Variants in ZNF638 observed in about 807,000 individuals in gnomAD.
The protein encoded by ZNF638 is zinc finger protein 638.
Under a neutral mutation model 195.6 loss-of-function variants are expected in ZNF638, and 46 were observed. The observed-to-expected ratio is 0.24, with a 90% CI of 0.19 to 0.30. The LOEUF (loss-of-function observed/expected upper bound fraction) is 0.30. Among genes scored for constraint, ZNF638 ranks in the 10% least tolerant of loss-of-function variants. The pLI, the probability that ZNF638 is intolerant of heterozygous loss-of-function variation, is 1.00. For missense variants in ZNF638, 2,440 were observed against 2,325.3 expected (o/e 1.05, Z -1.01); for synonymous variants, 845 against 772.0 (o/e 1.09, Z -1.57).
At chr2:71,392,183 A>G (rs1249361887) in intron 10 of ZNF638, among the ~76,000 whole-genome samples, 1 of 152,226 alleles carries the variant, frequency 6.6e-6, no homozygotes, top group Non-Finnish European at 1.5e-5. Flanking sequence ...TTGATTATGC[A>G]GGCCATATAA....
chr2:71,368,206 C>T (rs956338728), intron 6 of ZNF638, among the ~76,000 whole-genome samples, 176 bp from the exon 7 acceptor site: 6 of 151,682 alleles, frequency 4.0e-5, no homozygotes, highest in Non-Finnish European at 7.4e-5. Context: ...GTGTTAAAAT[C>T]GTGATTTAAA....
chr2:71,419,631 A>G (rs2080381874), intron 21 of ZNF638, among the ~76,000 whole-genome samples: 1 of 152,202 alleles, frequency 6.6e-6, no homozygotes, highest in Admixed American at 6.5e-5. Context: ...AGGTGCATTC[A>G]CATACCTAAG....
intron 26 of ZNF638, among the ~76,000 whole-genome samples, chr2:71,431,789 T>A (rs1265518976): frequency 6.6e-6 from 1 of 151,628 alleles, no homozygotes; most frequent in East Asian, 1.9e-4. Context: ...AACACCATAA[T>A]AAGTATTCTA....
At chr2:71,429,622 T>TTTA (rs2080615025) in intron 25 of ZNF638, among the ~76,000 whole-genome samples, 1 of 152,174 alleles carries the variant, frequency 6.6e-6, no homozygotes, top group Admixed American at 6.5e-5. Context: ...TCTACTTGCT[T>TTTA]TTAGAGCAAA....
intron 3 of ZNF638, among the ~76,000 whole-genome samples, chr2:71,361,042 A>G (rs1278273435): frequency 6.6e-6 from 1 of 152,080 alleles, no homozygotes; most frequent in Non-Finnish European, 1.5e-5. Context: ...GCTCACTGCA[A>G]CCTCCACCTC....
At chr2:71,396,380 A>G (rs1234251486) in intron 11 of ZNF638, among the ~76,000 whole-genome samples, 189 bp downstream of exon 11, 1 of 152,214 alleles carries the variant, frequency 6.6e-6, no homozygotes, top group Admixed American at 6.5e-5. Flanking sequence ...TATAGTAATT[A>G]TTGAAATAAT....
At chr2:71,433,094 T>C (rs563406865) in intron 26 of ZNF638, 71 bp from the exon 27 acceptor site, 1 of 1,220,048 alleles carries the variant, frequency 8.2e-7, no homozygotes, top group Admixed American at 1.8e-5. Context: ...CTCAAATAAA[T>C]GAATAAATCG....
At chr2:71,427,534 C>G in intron 24 of ZNF638, 120 bp downstream of exon 24, 1 of 667,550 alleles carries the variant, frequency 1.5e-6, no homozygotes, top group South Asian at 3.5e-5. Flanking sequence ...TAGAGGCCAA[C>G]AGACAGTTAA....
chr2:71,343,850 G>T (rs1397796307), intron 1 of ZNF638, among the ~76,000 whole-genome samples: 1 of 151,810 alleles, frequency 6.6e-6, no homozygotes, highest in East Asian at 1.9e-4. Flanking sequence ...ACAGCTTGCC[G>T]CCAGGCGCGG....
chr2:71,352,919 G>A (rs933378573), intron 2 of ZNF638, among the ~76,000 whole-genome samples: 1 of 152,116 alleles, frequency 6.6e-6, no homozygotes, highest in Non-Finnish European at 1.5e-5. Context: ...TAGATAGATT[G>A]CCATTAAAAA....
intron 1 of ZNF638, among the ~76,000 whole-genome samples, chr2:71,338,560 A>G (rs1426481068): frequency 6.6e-6 from 1 of 152,210 alleles, no homozygotes; most frequent in African/African-American, 2.4e-5. Flanking sequence ...CATCCATACC[A>G]CTACAAAAAA....
At chr2:71,393,686 T>A in intron 10 of ZNF638, 1 of 709,920 alleles carries the variant, frequency 1.4e-6, no homozygotes, top group Non-Finnish European at 2.6e-6. Flanking sequence ...ATGCTCTCGC[T>A]TCCCCTGCAA....
intron 16 of ZNF638, among the ~76,000 whole-genome samples, chr2:71,403,508 CA>C (rs2080046705): frequency 6.6e-6 from 1 of 152,190 alleles, no homozygotes; most frequent in Admixed American, 6.5e-5. Context: ...TTTATTTACT[CA>C]AGAAATACTA....
intron 16 of ZNF638, among the ~76,000 whole-genome samples, chr2:71,403,121 T>TTA (rs1181487760): frequency 6.6e-6 from 1 of 152,122 alleles, no homozygotes; most frequent in African/African-American, 2.4e-5. Context: ...TGAAAATACT[T>TTA]TAAACATTTA....
intron 21 of ZNF638, among the ~76,000 whole-genome samples, chr2:71,420,638 A>G (rs762961625): frequency 6.6e-6 from 1 of 152,172 alleles, no homozygotes; most frequent in Non-Finnish European, 1.5e-5. Flanking sequence ...GGCAAATGAG[A>G]TATCTGTATC....
At chr2:71,428,831 A>G in intron 25 of ZNF638, 180 bp downstream of exon 25, 1 of 464,824 alleles carries the variant, frequency 2.2e-6, no homozygotes, top group Non-Finnish European at 3.9e-6. Context: ...GAGAGAATGG[A>G]TTATTGATAT....
chr2:71,426,168 A>G (rs566625099), intron 23 of ZNF638, among the ~76,000 whole-genome samples: 3 of 152,282 alleles, frequency 2.0e-5, no homozygotes, highest in East Asian at 1.9e-4. Context: ...ATGTATTTTT[A>G]TGTGTCATAC....
At chr2:71,356,366 T>C (rs1300367516) in intron 3 of ZNF638, among the ~76,000 whole-genome samples, 2 of 152,234 alleles carry the variant, frequency 1.3e-5, no homozygotes, top group Non-Finnish European at 2.9e-5. Context: ...CCTGTATCTC[T>C]TGGAGTAACA....
Position 71,405,582 on chromosome 2 carries a change from A to T in ZNF638, c.2959-19A>T. 6.6e-7 allele frequency: 1 copy of T among 1,508,598 alleles called. No individual in the cohort carries two copies. The allele number at this position is 1,508,598 out of a possible 1,614,324, so 93.5% of individuals were successfully genotyped here. A position where few individuals can be genotyped will look rare whatever the true frequency, so the allele number is the denominator to read the frequency against. On this transcript the variant is annotated intron_variant, in intron 17 of 27. Transcript: ENST00000264447. ...GAAAGAGCTTATACCATCAACCTTT[A>T]TCTATTTTTGCTTTTTAGGAAGCTA...
Sources: allele counts gnomAD v4.1 joint callset (sites outside exome capture counted in the v4.1 genomes callset), GRCh38; gene constraint gnomAD v4.1.1; transcripts MANE v1.5; gene names NCBI Gene and HGNC (gene_info 2026-07-23, HGNC 2026-07-21).